CCSER1: variants seen among roughly 807,000 people sequenced by gnomAD.
CCSER1 encodes serine-rich coiled-coil domain-containing protein 1.
A neutral mutation model predicts 82.0 loss-of-function variants in CCSER1; 41 were observed. The observed-to-expected ratio is 0.50, with a 90% confidence interval of 0.39 to 0.65. The LOEUF is 0.65. CCSER1 is among the 30% of genes least tolerant of loss of function. CCSER1 has a pLI of 0.00. For missense variants in CCSER1, 1,119 were observed against 1,064.2 expected, an observed-to-expected ratio of 1.05 and a Z score of -0.72; for synonymous variants, 414 against 383.9, an observed-to-expected ratio of 1.08 and a Z score of -0.92.
chr4:90,902,364 T>G (rs1724787900), intron 8 of CCSER1, among the ~76,000 whole-genome samples: 1 of 152,106 alleles, frequency 6.6e-6, no homozygotes, highest in Admixed American at 6.6e-5. Flanking sequence ...CAAGATACTC[T>G]GGCTTTTTGT....
intron 9 of CCSER1, among the ~76,000 whole-genome samples, chr4:90,959,312 T>C (rs1733825654): frequency 6.6e-6 from 1 of 152,176 alleles, no homozygotes; most frequent in Non-Finnish European, 1.5e-5. Flanking sequence ...ATAATACGGG[T>C]TAATCATTGT....
chr4:90,532,856 C>T (rs536789176), intron 5 of CCSER1, among the ~76,000 whole-genome samples: 2 of 152,060 alleles, frequency 1.3e-5, no homozygotes, highest in Admixed American at 6.5e-5. Context: ...TCTACTTCTC[C>T]CAAGTATCTA....
intron 1 of CCSER1, among the ~76,000 whole-genome samples, chr4:90,228,968 A>G (rs1213898940): frequency 6.6e-6 from 1 of 152,210 alleles, no homozygotes; most frequent in Non-Finnish European, 1.5e-5. Context: ...ATATGGGACT[A>G]CGTGTAAAGA....
intron 10 of CCSER1, among the ~76,000 whole-genome samples, chr4:91,282,275 T>C (rs74775775): frequency 0.038 from 5,846 of 152,210 alleles, 365 homozygotes; most frequent in African/African-American, 0.13. Flanking sequence ...CCATCTCAAA[T>C]GCAATGCTGA....
chr4:90,404,910 A>G (rs999022288), intron 4 of CCSER1, among the ~76,000 whole-genome samples: 14 of 152,198 alleles, frequency 9.2e-5, no homozygotes, highest in African/African-American at 3.4e-4. Context: ...TACTCAAATG[A>G]GAAGGAACCA....
At chr4:91,195,929 A>G (rs142722438) in intron 10 of CCSER1, among the ~76,000 whole-genome samples, 1 of 152,018 alleles carries the variant, frequency 6.6e-6, no homozygotes. Context: ...CGTGTTAGCC[A>G]GGATGGTCTC....
At chr4:90,137,412 A>T (rs999597389) in intron 1 of CCSER1, among the ~76,000 whole-genome samples, 2 of 152,154 alleles carry the variant, frequency 1.3e-5, no homozygotes, top group Non-Finnish European at 2.9e-5. Flanking sequence ...TACGTTGATT[A>T]TCGGGACAAT....
chr4:91,215,790 C>T (rs1737191408), intron 10 of CCSER1, among the ~76,000 whole-genome samples: 1 of 152,172 alleles, frequency 6.6e-6, no homozygotes, highest in African/African-American at 2.4e-5. Context: ...TATCAACCAT[C>T]ATATTAAGTA....
At chr4:90,776,936 G>A (rs1752970347) in intron 7 of CCSER1, among the ~76,000 whole-genome samples, 1 of 152,174 alleles carries the variant, frequency 6.6e-6, no homozygotes, top group East Asian at 1.9e-4. Flanking sequence ...TCAACCATAA[G>A]CTTATATCTT....
At position 90,915,982 on chromosome 4, in the gene CCSER1, G is replaced by A. The variant is rs184918640; in HGVS notation, c.2095-7388G>A. Among the ~76,000 whole-genome samples, 1,181 of 152,242 alleles carry A rather than the reference G, an allele frequency of 7.8e-3. 10 individuals carry two copies. Among genetic ancestry groups the A allele is most frequent in the African/African-American group, 0.028 (1,145 of 41,526 alleles). On this transcript the variant is annotated intron_variant, in intron 8 of 10. Coordinates refer to ENST00000509176, the MANE Select transcript of CCSER1 (RefSeq NM_001145065.2). ...GGGGTGTGAAGGACCTCTTCAAGGA[G>A]AACTTCAAACCACTGCTCAATGAAA...
intron 8 of CCSER1, among the ~76,000 whole-genome samples, chr4:90,873,186 C>G (rs144265584): frequency 5.9e-5 from 9 of 152,042 alleles, no homozygotes; most frequent in African/African-American, 2.2e-4. Context: ...CTGTCTCTAC[C>G]TCTTCTTTAG....
At chr4:90,485,241 G>A (rs1490241643) in intron 5 of CCSER1, among the ~76,000 whole-genome samples, 1 of 152,154 alleles carries the variant, frequency 6.6e-6, no homozygotes, top group Non-Finnish European at 1.5e-5. Flanking sequence ...GTATTAGGGT[G>A]GGAGTGACCC....
intron 6 of CCSER1, among the ~76,000 whole-genome samples, chr4:90,646,660 A>G (rs1187689212): frequency 1.3e-5 from 2 of 152,028 alleles, no homozygotes; most frequent in African/African-American, 4.8e-5. Context: ...ATGTTAACTG[A>G]ACTTACTATT....
rs1358668974 is a variant in CCSER1 at position 90,308,532 on chromosome 4, C to A, written c.248C>A (p.Thr83Asn). Residue 83 changes from threonine (T) to asparagine (N), a missense_variant, in exon 2 of 11, where the codon ACC (threonine) becomes AAC (asparagine). Physicochemically the swap from Thr to Asn is moderately conservative, Grantham distance 65 (BLOSUM62 0). Coordinates refer to ENST00000509176, the MANE Select transcript of CCSER1 (RefSeq NM_001145065.2). ...GGGAGTGAGCCTAAGCAAGAGCCTA[C>A]CAACCAGAACCTTAGTATTTCAAAT... The part of the protein sequence containing the change: ...KKGSEPKQEP[T>N]NQNLSISNGA... The A allele has an allele frequency of 1.2e-6, 2 of 1,613,876 alleles. No individual in the cohort carries two copies. Among genetic ancestry groups the A allele is most frequent in the Admixed American group, 1.7e-5 (1 of 59,988 alleles).
At chr4:91,370,860 C>A (rs1490434576) in intron 10 of CCSER1, among the ~76,000 whole-genome samples, 1 of 151,932 alleles carries the variant, frequency 6.6e-6, no homozygotes, top group Non-Finnish European at 1.5e-5. Flanking sequence ...TACAAGCATT[C>A]AAATTATACT....
At chr4:91,194,233 G>A (rs1270536870) in intron 10 of CCSER1, among the ~76,000 whole-genome samples, 1 of 152,140 alleles carries the variant, frequency 6.6e-6, no homozygotes, top group Non-Finnish European at 1.5e-5. Context: ...GCCTCCTAGA[G>A]TGCATGAGCC....
At chr4:90,488,767 A>G (rs1767523378) in intron 5 of CCSER1, among the ~76,000 whole-genome samples, 1 of 152,198 alleles carries the variant, frequency 6.6e-6, no homozygotes, top group Non-Finnish European at 1.5e-5. Context: ...TCAATTGTAT[A>G]TAATGATGTT....
At chr4:90,853,363 A>T (rs1327475474) in intron 8 of CCSER1, among the ~76,000 whole-genome samples, 2 of 152,186 alleles carry the variant, frequency 1.3e-5, no homozygotes, top group African/African-American at 2.4e-5. Flanking sequence ...GAACTCAATG[A>T]ACCAAAGCAT....
At chr4:90,351,118 G>A (rs1743344170) in intron 3 of CCSER1, among the ~76,000 whole-genome samples, 1 of 152,170 alleles carries the variant, frequency 6.6e-6, no homozygotes, top group Middle Eastern at 3.4e-3. Context: ...AATTAAGAAG[G>A]GATGCTGTTT....
Sources: allele counts gnomAD v4.1 joint callset (sites outside exome capture counted in the v4.1 genomes callset), GRCh38; gene constraint gnomAD v4.1.1; transcripts MANE v1.5; gene names NCBI Gene and HGNC (gene_info 2026-07-23, HGNC 2026-07-21).